Variants in UBE2Z observed in about 807,000 individuals in gnomAD.
UBE2Z encodes ubiquitin-conjugating enzyme E2 Z.
A neutral mutation model predicts 32.6 loss-of-function variants in UBE2Z; 10 were observed. The observed-to-expected ratio is 0.31, with a 90% confidence interval of 0.19 to 0.52. The LOEUF (loss-of-function observed/expected upper bound fraction) is 0.52, where lower values mean the gene tolerates loss of function less well. UBE2Z is among the 20% of genes least tolerant of loss of function. UBE2Z has a pLI of 0.97. For missense variants in UBE2Z, 343 were observed against 480.9 expected, an observed-to-expected ratio of 0.71 and a Z score of 2.68; for synonymous variants, 183 against 190.8, an observed-to-expected ratio of 0.96 and a Z score of 0.34.
At chr17:48,911,504 A>C (rs2040676971) in intron 2 of UBE2Z, 1 of 152,338 alleles carries the variant, frequency 6.6e-6, no homozygotes, top group Non-Finnish European at 1.5e-5. Flanking sequence ...ACAGAAGTGC[A>C]GTTGCACTTA....
Position 48,908,415 on chromosome 17 carries a change from C to T in UBE2Z, c.-89C>T. The T allele has an allele frequency of 5.2e-6, 6 of 1,146,032 alleles. No individual in the cohort carries two copies. The highest frequency in any genetic ancestry group is 6.6e-6 in the Non-Finnish European group (6 of 913,800). 71.0% of individuals were successfully genotyped at this position (1,146,032 alleles called of 1,614,324 possible). ...GCGGAGGGGGTGGGGACACTCTGGCCCGGTTCTCGGTGGTGCGGGAGCGGG... is the reference window on the plus strand; with the variant it reads ...GCGGAGGGGGTGGGGACACTCTGGCTCGGTTCTCGGTGGTGCGGGAGCGGG... On this transcript the variant is annotated 5_prime_UTR_variant, in exon 1 of 7. Coordinates refer to ENST00000360943, the MANE Select transcript of UBE2Z (RefSeq NM_023079.5).
chr17:48,909,206 G>C (rs543918199), intron 1 of UBE2Z, among the ~76,000 whole-genome samples: 35 of 115,086 alleles, frequency 3.0e-4, no homozygotes, highest in Admixed American at 1.1e-3. Flanking sequence ...CCCCAACCTT[G>C]CTAGATGCTG....
chr17:48,925,150 G>C (rs1258896143), intron 6 of UBE2Z, among the ~76,000 whole-genome samples: 1 of 151,878 alleles, frequency 6.6e-6, no homozygotes, highest in Non-Finnish European at 1.5e-5. Context: ...AGATGTAGTG[G>C]TGCGTGCCTG....
rs1474198052 is a variant in UBE2Z, at chr17:48,928,682, CG to C, written c.*1550del. ...GACAGGGATTGGTGGGCTTGGGGAA[CG>C]GAAGTTTATCTTGGATACCCTTGAA... On this transcript the variant is annotated 3_prime_UTR_variant, in exon 7 of 7. Coordinates refer to ENST00000360943, the MANE Select transcript of UBE2Z (RefSeq NM_023079.5). 3 of 152,210 alleles carry C rather than the reference CG, an allele frequency of 2.0e-5. No individual in the cohort carries two copies. The highest frequency in any genetic ancestry group is 4.4e-5 in the Non-Finnish European group (3 of 67,836). 9.4% of individuals were successfully genotyped at this position (152,210 alleles called of 1,614,324 possible). A position where few individuals can be genotyped will look rare whatever the true frequency, so the allele number is the denominator to read the frequency against.
In UBE2Z at chr17:48,927,323, C is replaced by T. The variant is rs996630049; in HGVS notation, c.*189C>T. On this transcript the variant is annotated 3_prime_UTR_variant, in exon 7 of 7. Transcript: ENST00000360943. ...CCTGTTCCCGGTCTGACCTCCTTGG[C>T]ACTGGAGCATCTGGGGCTTCGTTCA... The T allele has an allele frequency of 3.3e-6, 2 of 610,902 alleles. No homozygotes were observed. Among genetic ancestry groups the T allele is most frequent in the African/African-American group, 3.7e-5 (2 of 54,148 alleles). The allele number at this position is 610,902 out of a possible 1,614,324, so 37.8% of individuals were successfully genotyped here.
rs770359395 is a variant in UBE2Z at position 48,926,959 on chromosome 17, C to T, written c.895-5C>T. ...CTTCCATCCCCTTGTCTCCTTTCCC[C>T]ACAGGACCCTTTTGGAGAGAAGCGG... is the stretch of plus-strand genomic sequence containing the variant. On this transcript the variant is annotated splice_region_variant and splice_polypyrimidine_tract_variant and intron_variant, in intron 6 of 6. Coordinates refer to ENST00000360943, the MANE Select transcript of UBE2Z (RefSeq NM_023079.5). 5 of 1,611,430 alleles carry T rather than the reference C, an allele frequency of 3.1e-6. No homozygotes were observed. The highest frequency in any genetic ancestry group is 3.4e-6 in the Non-Finnish European group (4 of 1,178,994).
intron 3 of UBE2Z, among the ~76,000 whole-genome samples, chr17:48,914,258 C>T (rs1277165315): frequency 6.6e-6 from 1 of 152,148 alleles, no homozygotes; most frequent in African/African-American, 2.4e-5. Context: ...ACAGAGAACA[C>T]GTGCAGGTTG....
In UBE2Z at chr17:48,927,325, C is replaced by T. The variant is rs2040805062; in HGVS notation, c.*191C>T. ...TGTTCCCGGTCTGACCTCCTTGGCA[C>T]TGGAGCATCTGGGGCTTCGTTCATC... is the stretch of plus-strand genomic sequence containing the variant. On this transcript the variant is annotated 3_prime_UTR_variant, in exon 7 of 7. Transcript: ENST00000360943. 1 of 601,740 alleles carries T rather than the reference C, an allele frequency of 1.7e-6. No individual in the cohort carries two copies. The highest frequency in any genetic ancestry group is 2.9e-6 in the Non-Finnish European group (1 of 346,270). The allele number at this position is 601,740 out of a possible 1,614,324, so 37.3% of individuals were successfully genotyped here.
intron 4 of UBE2Z, among the ~76,000 whole-genome samples, chr17:48,917,629 A>AT (rs1288614037): frequency 2.0e-5 from 3 of 152,104 alleles, no homozygotes; most frequent in Non-Finnish European, 4.4e-5. Context: ...GAAAACTCAC[A>AT]TTTTTCCAAG....
chr17:48,913,551 C>G (rs1038265103), intron 3 of UBE2Z, among the ~76,000 whole-genome samples: 1 of 152,200 alleles, frequency 6.6e-6, no homozygotes, highest in Admixed American at 6.5e-5. Flanking sequence ...GACGGAGTTT[C>G]ACCATGTTGG....
In UBE2Z at chr17:48,908,707, CCCG is replaced by C; in HGVS notation, c.207_209del (p.Pro70del). 2 of 1,344,654 alleles carry C rather than the reference CCCG, an allele frequency of 1.5e-6. No homozygotes were observed. Among genetic ancestry groups the C allele is most frequent in the South Asian group, 3.5e-5 (2 of 57,590 alleles). The allele number at this position is 1,344,654 out of a possible 1,614,324, so 83.3% of individuals were successfully genotyped here. On this transcript the variant is annotated inframe_deletion, in exon 1 of 7. Transcript: ENST00000360943. ...GCGGCCTGGCTCCGCTGCCCGGGCT[CCCG>C]CCCTCAGCCGCTGCCCACGGGGCCG... is the stretch of plus-strand genomic sequence containing the variant.
At chr17:48,922,392 A>G (rs1191731096) in intron 5 of UBE2Z, among the ~76,000 whole-genome samples, 3 of 152,204 alleles carry the variant, frequency 2.0e-5, no homozygotes, top group Non-Finnish European at 2.9e-5. Flanking sequence ...GTCTCAAAAA[A>G]ATAAAAAATA....
chr17:48,919,409 C>G (rs1317193977), intron 4 of UBE2Z, among the ~76,000 whole-genome samples: 1 of 152,118 alleles, frequency 6.6e-6, no homozygotes, highest in Non-Finnish European at 1.5e-5. Context: ...ATAGTGAGAC[C>G]CTGTTTATAT....
In UBE2Z at chr17:48,927,164, C is replaced by T; in HGVS notation, c.*30C>T. 6.2e-7 allele frequency: 1 copy of T among 1,610,000 alleles called. No individual in the cohort carries two copies. The highest frequency in any genetic ancestry group is 1.7e-5 in the Admixed American group (1 of 59,814). ...TGCTCCCATCTCCCCTTCCCCCACT[C>T]AAGAGTCCCAGCAGAATCCCTTCCC... On this transcript the variant is annotated 3_prime_UTR_variant, in exon 7 of 7. Transcript: ENST00000360943.
At chr17:48,923,792 G>C (rs193078744) in intron 6 of UBE2Z, among the ~76,000 whole-genome samples, 1 of 150,844 alleles carries the variant, frequency 6.6e-6, no homozygotes, top group African/African-American at 2.4e-5. Flanking sequence ...GAGTGCAGTA[G>C]CTGGGTCACA....
At position 48,916,092 on chromosome 17, in the gene UBE2Z, G is replaced by C. The variant is rs1272601624; in HGVS notation, c.595G>C (p.Ala199Pro). The C allele has an allele frequency of 1.3e-6, 2 of 1,589,404 alleles. No individual in the cohort carries two copies. The highest frequency in any genetic ancestry group is 1.8e-5 in the Admixed American group (1 of 54,222). ...LSILGTWTGP[A>P]WSPAQSISSV... Reference sequence around the variant, plus strand: ...TGTTTACAGTACATGGACTGGACCTGCCTGGAGCCCAGCCCAGAGCATCTC... The same window carrying C: ...TGTTTACAGTACATGGACTGGACCTCCCTGGAGCCCAGCCCAGAGCATCTC... The change falls in exon 4 of 7, where the codon GCC (alanine) becomes CCC (proline). Residue 199 changes from alanine to proline, a missense_variant. This residue lies in a region of UBE2Z where 182 missense variants were observed against 312.4 expected (regional missense o/e 0.58). Transcript: ENST00000360943.
chr17:48,922,267 A>T (rs2040764732), intron 5 of UBE2Z, among the ~76,000 whole-genome samples: 1 of 151,960 alleles, frequency 6.6e-6, no homozygotes, highest in South Asian at 2.1e-4. Context: ...CGCACCTGTA[A>T]TCCCAGCTAC....
At chr17:48,918,356 C>CA (rs2040735126) in intron 4 of UBE2Z, among the ~76,000 whole-genome samples, 1 of 151,970 alleles carries the variant, frequency 6.6e-6, no homozygotes, top group African/African-American at 2.4e-5. Flanking sequence ...TTTTTTGAGA[C>CA]AGAGTCTCAC....
intron 3 of UBE2Z, among the ~76,000 whole-genome samples, chr17:48,913,467 G>A (rs989007294): frequency 2.0e-5 from 3 of 152,184 alleles, no homozygotes; most frequent in Admixed American, 2.0e-4. Context: ...CGATTCTCCT[G>A]CCTCAGTCTC....
Sources: gnomAD v4.1 joint callset for allele counts (sites outside exome capture counted in the v4.1 genomes callset) on GRCh38, gnomAD v4.1.1 for gene constraint, gnomAD v4.1.1 regional missense constraint, MANE v1.5 for transcripts, NCBI Gene and HGNC (gene_info 2026-07-23, HGNC 2026-07-21) for gene names.